The following PMFBP1 variants were observed in gnomAD, a reference collection of about 807,000 sequenced individuals.
PMFBP1 encodes polyamine-modulated factor 1-binding protein 1.
In PMFBP1, 131 loss-of-function variants were observed where a neutral mutation model predicts 137.8. That is an observed-to-expected ratio of 0.95 (90% CI 0.82 to 1.10). The LOEUF is 1.10. Ranked by LOEUF, PMFBP1 falls within the 50% of genes least tolerant of loss-of-function variation. The pLI is 0.00. For synonymous variants in PMFBP1, 490 were observed against 450.4 expected, an observed-to-expected ratio of 1.09 and a Z score of -1.11; for missense variants, 1,199 against 1,175.4, an observed-to-expected ratio of 1.02 and a Z score of -0.29.
Position 72,119,988 on chromosome 16 carries a change from G to T in PMFBP1, c.2870C>A (p.Thr957Asn). The change falls in exon 20 of 21, where the codon ACC (threonine) becomes AAC (asparagine). Residue 957 changes from threonine to asparagine, a missense_variant. Physicochemically the swap from Thr to Asn is moderately conservative, Grantham distance 65 (BLOSUM62 0). Coordinates refer to ENST00000237353, the MANE Select transcript of PMFBP1 (RefSeq NM_031293.3). ...KMKAENTRLC[T>N]KALGPSRTES... is the part of the protein sequence containing the mutation. ...CGTTCTGCTCGGGCCTAGGGCTTTG[G>T]TGCATAGCCTTGTGTTCTCGGCTTT... 6.2e-7 allele frequency: 1 copy of T among 1,614,138 alleles called. No homozygotes were observed. The highest frequency in any genetic ancestry group is 1.1e-5 in the South Asian group (1 of 91,080).
At chr16:72,134,115 C>T (rs756397260) in intron 9 of PMFBP1, among the ~76,000 whole-genome samples, 1 of 152,068 alleles carries the variant, frequency 6.6e-6, no homozygotes, top group Admixed American at 6.6e-5. Flanking sequence ...CCTGCTTGGC[C>T]CTCTTCCAAG....
chr16:72,163,929 G>A (rs371841563), intron 3 of PMFBP1, among the ~76,000 whole-genome samples: 1 of 136,174 alleles, frequency 7.3e-6, no homozygotes. Flanking sequence ...TGGAAAGGGT[G>A]GGGGGGGTGA....
chr16:72,202,092 T>A, the PMFBP1 span, among the ~76,000 whole-genome samples: 1 of 152,202 alleles, frequency 6.6e-6, no homozygotes, highest in African/African-American at 2.4e-5. Context: ...TCATTGTATA[T>A]CTTGTACACA....
At chr16:72,118,748 G>C (rs1018959620), downstream of PMFBP1, among the ~76,000 whole-genome samples, 2 of 100,112 alleles carry the variant, frequency 2.0e-5, no homozygotes, top group South Asian at 6.0e-4. Flanking sequence ...ATGGAATGTG[G>C]AGCCCGGTGG....
At chr16:72,125,211 C>G (rs1192253448) in intron 16 of PMFBP1, 27 bp downstream of exon 16, 1 of 1,602,222 alleles carries the variant, frequency 6.2e-7, no homozygotes, top group South Asian at 1.1e-5. Flanking sequence ...ACCAGGAAGG[C>G]AGCCCAAGCC....
At chr16:72,205,522 C>A in the PMFBP1 span, among the ~76,000 whole-genome samples, 2 of 152,192 alleles carry the variant, frequency 1.3e-5, no homozygotes, top group East Asian at 3.8e-4. Flanking sequence ...GGTAGGGTGA[C>A]CCCAACACAG....
chr16:72,249,047 T>G, the PMFBP1 span, among the ~76,000 whole-genome samples: 232 of 152,296 alleles, frequency 1.5e-3, no homozygotes, highest in African/African-American at 5.0e-3. Flanking sequence ...AAATACTGCT[T>G]TTTGGTTGTA....
the PMFBP1 span, among the ~76,000 whole-genome samples, chr16:72,229,001 T>C: frequency 6.6e-6 from 1 of 152,118 alleles, no homozygotes; most frequent in African/African-American, 2.4e-5. Context: ...CCTCATTCTC[T>C]TCCCACCCTC....
intron 3 of PMFBP1, among the ~76,000 whole-genome samples, chr16:72,156,761 G>A (rs1444155670): frequency 6.6e-6 from 1 of 152,232 alleles, no homozygotes; most frequent in Non-Finnish European, 1.5e-5. Context: ...GAATACTGCT[G>A]CTATGAACAT....
chr16:72,248,995 A>C, the PMFBP1 span, among the ~76,000 whole-genome samples: 3 of 152,196 alleles, frequency 2.0e-5, no homozygotes, highest in African/African-American at 7.2e-5. Context: ...GTATCTTGCT[A>C]ACAGAGCTGT....
Position 72,122,948 on chromosome 16 carries a change from C to G in PMFBP1, c.2734G>C (p.Val912Leu), listed in dbSNP as rs767757917. 6.2e-7 allele frequency: 1 copy of G among 1,613,464 alleles called. No individual in the cohort carries two copies. The highest frequency in any genetic ancestry group is 2.2e-5 in the East Asian group (1 of 44,866). ...EKLGNQLREQ[V>L]KYIAKLSGEK... ...CCACTCAGCTTGGCAATGTATTTCA[C>G]CTGCTCTCGGAGCTGGTTTCCTAGT... The change falls in exon 19 of 21, where the codon GTG (valine) becomes CTG (leucine). Residue 912 changes from valine to leucine, a missense_variant. Coordinates refer to ENST00000237353, the MANE Select transcript of PMFBP1 (RefSeq NM_031293.3).
intron 3 of PMFBP1, among the ~76,000 whole-genome samples, chr16:72,155,539 A>C (rs946010012): frequency 6.6e-6 from 1 of 152,250 alleles, no homozygotes; most frequent in African/African-American, 2.4e-5. Flanking sequence ...CCTAGTTTAC[A>C]GATTCATACA....
chr16:72,164,884 C>A lies in PMFBP1; in HGVS notation c.45G>T (p.Leu15=). The A allele has an allele frequency of 6.2e-7, 1 of 1,603,646 alleles. No individual in the cohort carries two copies. Among genetic ancestry groups the A allele is most frequent in the Non-Finnish European group, 8.5e-7 (1 of 1,171,434 alleles). The change falls in exon 3 of 21, where the codon CTG becomes CTT. Residue 15 remains leucine (L), a synonymous_variant. Coordinates refer to ENST00000237353, the MANE Select transcript of PMFBP1 (RefSeq NM_031293.3). ...GTTGCAGGCTTAACAGCTTGCTGTT[C>A]AGGCTGCTCACTTCTCTGTCTCTCT... ...AGERDREVSS[L]NSKLLSLQLD... is the part of the protein sequence containing the mutation.
upstream of PMFBP1, among the ~76,000 whole-genome samples, chr16:72,175,209 T>A (rs1567646411): frequency 6.6e-6 from 1 of 152,240 alleles, no homozygotes; most frequent in East Asian, 1.9e-4. Flanking sequence ...TTCCCTCCCT[T>A]CTGCCCCATC....
At position 72,154,451 on chromosome 16, in the gene PMFBP1, C is replaced by A. The variant is rs1205646248; in HGVS notation, c.174G>T (p.Lys58Asn). The stretch of plus-strand genomic sequence containing the variant: ...CCTCGAATGCTAATGCCTGTGCTTG[C>A]TTCTTGTCCTACCATAGAGACAGGA... ...EEAMNSSHDK[K>N]QAQALAFEES... is the part of the protein sequence containing the mutation. Residue 58 changes from lysine (K) to asparagine (N), a missense_variant, in exon 4 of 21, where the codon AAG becomes AAT. Lys to Asn is a moderately conservative substitution (Grantham distance 94). Coordinates refer to ENST00000237353, the MANE Select transcript of PMFBP1 (RefSeq NM_031293.3). 6.2e-7 allele frequency: 1 copy of A among 1,613,860 alleles called. No homozygotes were observed. Among genetic ancestry groups the A allele is most frequent in the Admixed American group, 1.7e-5 (1 of 60,022 alleles).
At chr16:72,127,731 G>A (rs1478567220) in intron 14 of PMFBP1, among the ~76,000 whole-genome samples, 6 of 152,308 alleles carry the variant, frequency 3.9e-5, no homozygotes, top group Admixed American at 3.9e-4. Context: ...GGTTTTATAG[G>A]TGAATTTCAT....
intron 14 of PMFBP1, chr16:72,128,284 T>C: frequency 1.1e-6 from 1 of 933,904 alleles, no homozygotes; most frequent in South Asian, 1.7e-5. Flanking sequence ...TAATGAAAAA[T>C]AACTGTCCCC....
chr16:72,218,071 TC>T, the PMFBP1 span, among the ~76,000 whole-genome samples: 1 of 152,196 alleles, frequency 6.6e-6, no homozygotes. Flanking sequence ...CTGTTTGAAC[TC>T]TAAGACTACT....
chr16:72,140,658 A>T, intron 5 of PMFBP1, 76 bp from the exon 6 acceptor site: 5 of 1,327,042 alleles, frequency 3.8e-6, no homozygotes, highest in African/African-American at 1.5e-5. Context: ...AACATGGAAA[A>T]TCTCTAGACC....
Sources: gnomAD v4.1 joint callset for allele counts (sites outside exome capture counted in the v4.1 genomes callset) on GRCh38, gnomAD v4.1.1 for gene constraint, MANE v1.5 for transcripts, NCBI Gene and HGNC (gene_info 2026-07-23, HGNC 2026-07-21) for gene names.